Variants in MTMR7 observed in about 807,000 individuals in gnomAD.
MTMR7 encodes phosphatidylinositol-3-phosphate phosphatase MTMR7.
Under a neutral mutation model 81.2 loss-of-function variants are expected in MTMR7, and 76 were observed. The ratio of observed to expected loss-of-function variants is 0.94; its 90% CI spans 0.78 to 1.13. MTMR7 has a LOEUF of 1.13. MTMR7 is among the 50% of genes most tolerant of loss of function. The probability of loss-of-function intolerance (pLI) is 0.00; values close to 1 mark genes in which losing one functional copy is unlikely to be tolerated. For synonymous variants in MTMR7, 372 were observed against 289.8 expected, an observed-to-expected ratio of 1.28 and a Z score of -2.88; for missense variants, 1,044 against 820.0, an observed-to-expected ratio of 1.27 and a Z score of -3.34.
chr8:17,379,314 A>G (rs1820689298), intron 1 of MTMR7, among the ~76,000 whole-genome samples: 1 of 152,102 alleles, frequency 6.6e-6, no homozygotes, highest in Non-Finnish European at 1.5e-5. Flanking sequence ...GTGGGGTTTG[A>G]GCGGGCAGAA....
intron 1 of MTMR7, among the ~76,000 whole-genome samples, chr8:17,383,779 G>A (rs1281938876): frequency 2.0e-5 from 3 of 151,314 alleles, no homozygotes; most frequent in African/African-American, 4.9e-5. Context: ...CGAAAGACTC[G>A]GTTCTCCCGG....
At chr8:17,389,142 C>G (rs1299780608) in intron 1 of MTMR7, among the ~76,000 whole-genome samples, 1 of 152,144 alleles carries the variant, frequency 6.6e-6, no homozygotes, top group Non-Finnish European at 1.5e-5. Flanking sequence ...CACCTCCAGC[C>G]TGACACCCAA....
chr8:17,323,449 A>C (rs1818511851), intron 7 of MTMR7, among the ~76,000 whole-genome samples: 1 of 152,098 alleles, frequency 6.6e-6, no homozygotes, highest in African/African-American at 2.4e-5. Flanking sequence ...GGGATGCTAA[A>C]ATCTAACAGG....
At chr8:17,332,456 C>A (rs1325289185) in intron 6 of MTMR7, among the ~76,000 whole-genome samples, 1 of 152,088 alleles carries the variant, frequency 6.6e-6, no homozygotes, top group Non-Finnish European at 1.5e-5. Context: ...GTTTATCATG[C>A]CCTGACCTGC....
rs199741724 is a variant in MTMR7 at position 17,299,905 on chromosome 8, C to T, written c.1940G>A (p.Gly647Asp). 1.1e-5 allele frequency: 18 copies of T among 1,614,008 alleles called. No homozygotes were observed. Among genetic ancestry groups the T allele is most frequent in the East Asian group, 2.2e-5 (1 of 44,888 alleles). The change falls in exon 14 of 14, where the codon GGC (glycine) becomes GAC (aspartate). Residue 647 changes from glycine (G) to aspartate (D), a missense_variant. Physicochemically the swap from Gly to Asp is moderately conservative, Grantham distance 94. Transcript: ENST00000180173. ...GGEHAPSEDS[G>D]KDRDSDEAVF... ...GGCTTCATCAGAATCCCGGTCCTTG[C>T]CACTATCTTCACTCGGTGCATGCTC...
intron 3 of MTMR7, among the ~76,000 whole-genome samples, chr8:17,365,715 A>G (rs1820205849): frequency 6.6e-6 from 1 of 152,220 alleles, no homozygotes; most frequent in Non-Finnish European, 1.5e-5. Flanking sequence ...TTTTTAAAAA[A>G]CATTCAGAAA....
intron 4 of MTMR7, among the ~76,000 whole-genome samples, chr8:17,350,442 T>G (rs1318764465): frequency 1.3e-5 from 2 of 152,154 alleles, no homozygotes; most frequent in African/African-American, 2.4e-5. Context: ...CTGCCCTTTA[T>G]AAAGCATTAG....
intron 3 of MTMR7, among the ~76,000 whole-genome samples, chr8:17,362,441 G>A (rs188736328): frequency 9.1e-4 from 139 of 152,192 alleles, no homozygotes; most frequent in Non-Finnish European, 1.6e-3. Context: ...AGATTCTGTC[G>A]CAATTAAGTG....
rs1816705677 is a variant in MTMR7 at position 17,297,027 on chromosome 8, A to G, written c.*2835T>C. 1 of 152,216 alleles carries G rather than the reference A, an allele frequency of 6.6e-6. No individual in the cohort carries two copies. Among genetic ancestry groups the G allele is most frequent in the Non-Finnish European group, 1.5e-5 (1 of 68,028 alleles). The allele number at this position is 152,216 out of a possible 1,614,324, so 9.4% of individuals were successfully genotyped here. The stretch of plus-strand genomic sequence containing the variant: ...AATGTGGGTTCTGTTTTTGCAACAG[A>G]GATTAAGTGACCATTTTTTCTAATT... On this transcript the variant is annotated 3_prime_UTR_variant, in exon 14 of 14. Transcript: ENST00000180173.
Position 17,376,267 on chromosome 8 carries a change from G to C in MTMR7, c.25-3027C>G, listed in dbSNP as rs115660062. On this transcript the variant is annotated intron_variant, in intron 1 of 13. Transcript: ENST00000180173. Reference sequence around the variant, plus strand: ...GTTCATCTATTCATAGAATGTACCAGTGCTTTACTTTTTGTTGCCCCATGA... The same window carrying C: ...GTTCATCTATTCATAGAATGTACCACTGCTTTACTTTTTGTTGCCCCATGA... Among the ~76,000 whole-genome samples the C allele has an allele frequency of 6.4e-3, 974 of 152,254 alleles. 11 individuals are homozygous for C. Among genetic ancestry groups the C allele is most frequent in the African/African-American group, 0.022 (907 of 41,544 alleles).
chr8:17,332,179 G>T (rs971192514), intron 6 of MTMR7, among the ~76,000 whole-genome samples: 1 of 152,054 alleles, frequency 6.6e-6, no homozygotes, highest in East Asian at 1.9e-4. Context: ...AAGGACAGGA[G>T]GGCTAACCCA....
intron 1 of MTMR7, among the ~76,000 whole-genome samples, chr8:17,400,132 G>C (rs984429234): frequency 1.3e-5 from 2 of 152,098 alleles, no homozygotes; most frequent in African/African-American, 4.8e-5. Context: ...GTTTACTGTT[G>C]AGATTGAATT....
chr8:17,381,426 G>C (rs190399791), intron 1 of MTMR7, among the ~76,000 whole-genome samples: 1 of 151,852 alleles, frequency 6.6e-6, no homozygotes, highest in Non-Finnish European at 1.5e-5. Flanking sequence ...TGCCACCTTC[G>C]AATTTCAATC....
intron 1 of MTMR7, among the ~76,000 whole-genome samples, chr8:17,383,434 A>G (rs1820823560): frequency 6.6e-6 from 1 of 152,218 alleles, no homozygotes; most frequent in African/African-American, 2.4e-5. Flanking sequence ...CTTAGCTGAG[A>G]CAAAGACATG....
At position 17,349,059 on chromosome 8, in the gene MTMR7, T is replaced by C. The variant is rs761481324; in HGVS notation, c.491A>G (p.Glu164Gly). ...DYRVCDSYPT[E>G]LYVPKSATAH... is the part of the protein sequence containing the mutation. The stretch of plus-strand genomic sequence containing the variant: ...CGTGGCCGATTTGGGAACGTACAGT[T>C]CAGTAGGATAAGAGTCACAGACCTG... The change falls in exon 5 of 14, where the codon GAA becomes GGA. Residue 164 changes from glutamate to glycine, a missense_variant. Physicochemically the swap from Glu to Gly is moderately conservative, Grantham distance 98. Coordinates refer to ENST00000180173, the MANE Select transcript of MTMR7 (RefSeq NM_004686.5). 6.2e-7 allele frequency: 1 copy of C among 1,612,010 alleles called. No homozygotes were observed. The highest frequency in any genetic ancestry group is 8.5e-7 in the Non-Finnish European group (1 of 1,179,710).
intron 3 of MTMR7, among the ~76,000 whole-genome samples, chr8:17,365,721 A>G (rs1478683627): frequency 6.6e-6 from 1 of 152,208 alleles, no homozygotes; most frequent in Non-Finnish European, 1.5e-5. Flanking sequence ...AAAAACATTC[A>G]GAAAAAGTTA....
chr8:17,307,066 G>A (rs1263273214), intron 10 of MTMR7, among the ~76,000 whole-genome samples: 3 of 152,150 alleles, frequency 2.0e-5, no homozygotes, highest in Non-Finnish European at 4.4e-5. Flanking sequence ...AAGAGCTTCT[G>A]CACAGCAGAA....
chr8:17,377,038 G>GT (rs1173741415), intron 1 of MTMR7, among the ~76,000 whole-genome samples: 1 of 150,636 alleles, frequency 6.6e-6, no homozygotes, highest in African/African-American at 2.4e-5. Flanking sequence ...CGCCATAATT[G>GT]TTATTTTGAT....
intron 5 of MTMR7, among the ~76,000 whole-genome samples, chr8:17,346,311 C>T (rs1332445360): frequency 6.6e-6 from 1 of 152,172 alleles, no homozygotes; most frequent in African/African-American, 2.4e-5. Context: ...TCACTCGGGA[C>T]TTCCCTGGGG....
Sources: gnomAD v4.1 joint callset for allele counts (sites outside exome capture counted in the v4.1 genomes callset) on GRCh38, gnomAD v4.1.1 for gene constraint, MANE v1.5 for transcripts, NCBI Gene and HGNC (gene_info 2026-07-23, HGNC 2026-07-21) for gene names.